The following CFAP418 variants were observed in gnomAD, a reference collection of about 807,000 sequenced individuals.
CFAP418 encodes the protein cilia- and flagella-associated protein 418.
Under a neutral mutation model 24.7 loss-of-function variants are expected in CFAP418, and 27 were observed. The observed-to-expected ratio is 1.09, with a 90% CI of 0.81 to 1.51. The LOEUF (loss-of-function observed/expected upper bound fraction) is 1.51, where lower values mean the gene tolerates loss of function less well. CFAP418 is among the 40% of genes most tolerant of loss of function. CFAP418 has a pLI of 0.00. For missense variants in CFAP418, 257 were observed against 255.2 expected (o/e 1.01, Z -0.05); for synonymous variants, 74 against 87.3 (o/e 0.85, Z 0.85).
intron 4 of CFAP418, 77 bp downstream of exon 4, chr8:95,259,763 A>G (rs1055506866): frequency 9.8e-7 from 1 of 1,015,322 alleles, no homozygotes; most frequent in Admixed American, 2.1e-5. Context: ...TGTGAAGATG[A>G]TAACTACATT....
At chr8:95,262,417 C>A (rs1811908678) in intron 2 of CFAP418, among the ~76,000 whole-genome samples, 1 of 152,146 alleles carries the variant, frequency 6.6e-6, no homozygotes, top group South Asian at 2.1e-4. Flanking sequence ...TTACCACAAC[C>A]ATTACCTAGG....
intron 2 of CFAP418, among the ~76,000 whole-genome samples, chr8:95,263,101 T>C (rs1811920959): frequency 6.6e-6 from 1 of 152,126 alleles, no homozygotes; most frequent in African/African-American, 2.4e-5. Context: ...TCTTAAACTA[T>C]ATCTTTAATT....
intron 4 of CFAP418, among the ~76,000 whole-genome samples, chr8:95,255,164 C>T (rs1811767772): frequency 6.6e-6 from 1 of 152,124 alleles, no homozygotes; most frequent in Non-Finnish European, 1.5e-5. Flanking sequence ...TTAAGAAACA[C>T]AAATCTGGCC....
intron 5 of CFAP418, 56 bp from the exon 6 acceptor site, chr8:95,247,826 T>TAAAA (rs35181539): frequency 4.9e-4 from 541 of 1,110,894 alleles, no homozygotes; most frequent in Non-Finnish European, 5.1e-4. Context: ...GCTTAATGAT[T>TAAAA]AAAAAAAAAA....
chr8:95,247,527 G>A lies in CFAP418; in HGVS notation c.*90C>T. The A allele has an allele frequency of 6.9e-7, 1 of 1,455,466 alleles. No individual in the cohort carries two copies. Among genetic ancestry groups the A allele is most frequent in the Non-Finnish European group, 9.5e-7 (1 of 1,049,078 alleles). 90.2% of individuals were successfully genotyped at this position (1,455,466 alleles called of 1,614,324 possible). A position where few individuals can be genotyped will look rare whatever the true frequency, so the allele number is the denominator to read the frequency against. Reference sequence around the variant, plus strand: ...TTCACTGCCTTTTCCCACAGGGAATGGTATTGCTAGGGACTATTGTCTAAA... The same window carrying A: ...TTCACTGCCTTTTCCCACAGGGAATAGTATTGCTAGGGACTATTGTCTAAA... On this transcript the variant is annotated 3_prime_UTR_variant, in exon 6 of 6. Transcript: ENST00000286688.
rs1261296427 is a variant in CFAP418 at position 95,269,101 on chromosome 8, G to C, written c.89C>G (p.Pro30Arg). The change falls in exon 1 of 6, where the codon CCC becomes CGC. Residue 30 changes from proline (P) to arginine (R), a missense_variant. Coordinates refer to ENST00000286688, the MANE Select transcript of CFAP418 (RefSeq NM_177965.4). Reference sequence around the variant, plus strand: ...GTGGGTGCCGCCGCCGCAGCCTTTGGGCTGCTCGACCATACCCCGTCTTAG... The same window carrying C: ...GTGGGTGCCGCCGCCGCAGCCTTTGCGCTGCTCGACCATACCCCGTCTTAG... Reference protein sequence around the residue: ...DLLRRGMVEQPKGCGGGTHSS... With the variant: ...DLLRRGMVEQRKGCGGGTHSS... 6.2e-7 allele frequency: 1 copy of C among 1,614,068 alleles called. No individual in the cohort carries two copies.
chr8:95,259,794 T>C (rs1356929694), intron 4 of CFAP418, 46 bp downstream of exon 4: 2 of 1,436,644 alleles, frequency 1.4e-6, no homozygotes, highest in Non-Finnish European at 9.7e-7. Flanking sequence ...GGCATCCATT[T>C]GGAAAAAACC....
Position 95,247,774 on chromosome 8 carries a change from T to C in CFAP418, c.471-4A>G, listed in dbSNP as rs1296583778. The C allele has an allele frequency of 6.3e-7, 1 of 1,598,822 alleles. No individual in the cohort carries two copies. The highest frequency in any genetic ancestry group is 1.1e-5 in the South Asian group (1 of 88,978). On this transcript the variant is annotated splice_region_variant and splice_polypyrimidine_tract_variant and intron_variant, in intron 5 of 5. Transcript: ENST00000286688. ...GTGAAATTCTGGCATGTTGTTCCTA[T>C]TAGTAAAACAGGAAAGTTTTAGCAT...
Position 95,247,497 on chromosome 8 carries a change from T to C in CFAP418, c.*120A>G, listed in dbSNP as rs1811640469. On this transcript the variant is annotated 3_prime_UTR_variant, in exon 6 of 6. Transcript: ENST00000286688. The stretch of plus-strand genomic sequence containing the variant: ...TCAAAAATGTATGTAGTTGTATCAA[T>C]AAAATTCACTGCCTTTTCCCACAGG... 3 of 1,172,172 alleles carry C rather than the reference T, an allele frequency of 2.6e-6. No homozygotes were observed. The highest frequency in any genetic ancestry group is 3.7e-6 in the Non-Finnish European group (3 of 816,690). 72.6% of individuals were successfully genotyped at this position (1,172,172 alleles called of 1,614,324 possible).
intron 4 of CFAP418, among the ~76,000 whole-genome samples, chr8:95,254,212 T>C (rs1455314524): frequency 1.3e-5 from 2 of 152,224 alleles, no homozygotes; most frequent in East Asian, 3.8e-4. Flanking sequence ...GAAAATGCCT[T>C]CGTTTTATCT....
intron 1 of CFAP418, among the ~76,000 whole-genome samples, chr8:95,268,525 T>G (rs1812048333): frequency 6.6e-6 from 1 of 151,572 alleles, no homozygotes; most frequent in Admixed American, 6.6e-5. Flanking sequence ...AGGATTGACC[T>G]GGGGAGTGGG....
intron 4 of CFAP418, among the ~76,000 whole-genome samples, chr8:95,253,073 G>A (rs1336049145): frequency 3.9e-5 from 6 of 152,214 alleles, no homozygotes; most frequent in African/African-American, 9.6e-5. Context: ...CCTTTGGGAG[G>A]CTGAGGCGGG....
Position 95,269,183 on chromosome 8 carries a change from C to T in CFAP418, c.7G>A (p.Glu3Lys). The change falls in exon 1 of 6, where the codon GAG (glutamate) becomes AAG (lysine). Residue 3 changes from glutamate (E) to lysine (K), a missense_variant. Glu to Lys is a moderately conservative substitution (Grantham distance 56). Transcript: ENST00000286688. MA[E>K]DLDELLDEVE... Reference sequence around the variant, plus strand: ...TCATCCAAGAGCTCGTCCAGGTCCTCCGCCATCTTGAATCGCCTGGCCTTT... The same window carrying T: ...TCATCCAAGAGCTCGTCCAGGTCCTTCGCCATCTTGAATCGCCTGGCCTTT... 6.2e-7 allele frequency: 1 copy of T among 1,614,154 alleles called. No homozygotes were observed. The highest frequency in any genetic ancestry group is 8.5e-7 in the Non-Finnish European group (1 of 1,179,980).
chr8:95,248,928 AG>A (rs1370598514), intron 5 of CFAP418, among the ~76,000 whole-genome samples: 1 of 152,208 alleles, frequency 6.6e-6, no homozygotes, highest in Admixed American at 6.5e-5. Context: ...TACGAAATTC[AG>A]GCACAATTTA....
In CFAP418 at chr8:95,245,059, T is replaced by G. The variant is rs1811594254; in HGVS notation, c.*2558A>C. Reference sequence around the variant, plus strand: ...ATAAAGAAGTTACCTGGCTTAAAAATAGCTACTTGCTAAAGATAGAAAATT... The same window carrying G: ...ATAAAGAAGTTACCTGGCTTAAAAAGAGCTACTTGCTAAAGATAGAAAATT... On this transcript the variant is annotated 3_prime_UTR_variant, in exon 6 of 6. Coordinates refer to ENST00000286688, the MANE Select transcript of CFAP418 (RefSeq NM_177965.4). 6.6e-6 allele frequency: 1 copy of G among 152,148 alleles called. No individual in the cohort carries two copies. The highest frequency in any genetic ancestry group is 1.5e-5 in the Non-Finnish European group (1 of 68,010). The allele number at this position is 152,148 out of a possible 1,614,324, so 9.4% of individuals were successfully genotyped here. A position where few individuals can be genotyped will look rare whatever the true frequency, so the allele number is the denominator to read the frequency against.
At position 95,268,617 on chromosome 8, in the gene CFAP418, C is replaced by A. The variant is rs1586040889; in HGVS notation, c.155+418G>T. Among the ~76,000 whole-genome samples, 4 of 152,072 alleles carry A rather than the reference C, an allele frequency of 2.6e-5. 1 individual carries two copies. The highest frequency in any genetic ancestry group is 2.4e-5 in the African/African-American group (1 of 41,498). ...CGCTTGGCCACACAGAGGCAAAATG[C>A]GGCCGAGGTCAGCACAGCCCTCTCG... On this transcript the variant is annotated intron_variant, in intron 1 of 5. Transcript: ENST00000286688.
chr8:95,253,138 T>C (rs1054032083), intron 4 of CFAP418, among the ~76,000 whole-genome samples: 34 of 151,988 alleles, frequency 2.2e-4, no homozygotes, highest in African/African-American at 8.0e-4. Context: ...TGAAACCCCA[T>C]CTCTACTAAA....
chr8:95,250,913 C>T (rs927158295), intron 5 of CFAP418, among the ~76,000 whole-genome samples: 2 of 152,054 alleles, frequency 1.3e-5, no homozygotes, highest in African/African-American at 4.8e-5. Flanking sequence ...TAGATTTACC[C>T]AAGAATGGCT....
rs1811604797 is a variant in CFAP418 at position 95,245,569 on chromosome 8, T to C, written c.*2048A>G. On this transcript the variant is annotated 3_prime_UTR_variant, in exon 6 of 6. Coordinates refer to ENST00000286688, the MANE Select transcript of CFAP418 (RefSeq NM_177965.4). The stretch of plus-strand genomic sequence containing the variant: ...TTCTGGCCAACATGGTGAAACCCTG[T>C]CTCTATTAAAAATACAAAAATTAGC... 3 of 152,026 alleles carry C rather than the reference T, an allele frequency of 2.0e-5. No individual in the cohort carries two copies. Among genetic ancestry groups the C allele is most frequent in the African/African-American group, 7.3e-5 (3 of 41,376 alleles). 9.4% of individuals were successfully genotyped at this position (152,026 alleles called of 1,614,324 possible). A position where few individuals can be genotyped will look rare whatever the true frequency, so the allele number is the denominator to read the frequency against.
Sources: allele counts gnomAD v4.1 joint callset (sites outside exome capture counted in the v4.1 genomes callset), GRCh38; gene constraint gnomAD v4.1.1; transcripts MANE v1.5; gene names NCBI Gene and HGNC (gene_info 2026-07-23, HGNC 2026-07-21).